IL23R: variants seen among roughly 807,000 people sequenced by gnomAD.
The protein encoded by IL23R is interleukin 23 receptor.
IL23R carries 34 observed loss-of-function variants against 56.9 expected under a neutral mutation model. The ratio of observed to expected loss-of-function variants is 0.60; its 90% confidence interval spans 0.45 to 0.80. The LOEUF (loss-of-function observed/expected upper bound fraction) is 0.80, where lower values mean the gene tolerates loss of function less well. IL23R is among the 30% of genes least tolerant of loss of function. The pLI is 0.00. For missense variants in IL23R, 635 were observed against 730.0 expected (o/e 0.87, Z 1.50); for synonymous variants, 230 against 249.2 (o/e 0.92, Z 0.73).
At chr1:67,206,880 AGG>A in intron 5 of IL23R, 28 bp from the exon 6 acceptor site, 1 of 1,444,034 alleles carries the variant, frequency 6.9e-7, no homozygotes, top group Non-Finnish European at 9.3e-7. Context: ...TTAAACAGCC[AGG>A]TCTTTTTTTT....
rs557422515 is a variant in IL23R at position 67,195,207 on chromosome 1, A to G, written c.492-5530A>G. Among the ~76,000 whole-genome samples, 19 of 152,072 alleles carry G rather than the reference A, an allele frequency of 1.2e-4. No individual in the cohort carries two copies. The South Asian group carries it at 3.5e-3, about 28-fold the overall frequency. On this transcript the variant is annotated intron_variant, in intron 4 of 10. Coordinates refer to ENST00000347310, the MANE Select transcript of IL23R (RefSeq NM_144701.3). ...GCCACCACACCTGGCTAATTTTTGTATTTTTAGTAGAGACAGGGTTTCACC... is the reference window on the plus strand; with the variant it reads ...GCCACCACACCTGGCTAATTTTTGTGTTTTTAGTAGAGACAGGGTTTCACC...
intron 4 of IL23R, among the ~76,000 whole-genome samples, chr1:67,186,645 A>G (rs1033371672): frequency 6.6e-6 from 1 of 152,122 alleles, no homozygotes; most frequent in Non-Finnish European, 1.5e-5. Flanking sequence ...AAGGTTATCT[A>G]TGGTGTAACA....
At chr1:67,219,887 G>A (rs1162946230) in intron 7 of IL23R, among the ~76,000 whole-genome samples, 157 bp downstream of exon 7, 1 of 152,122 alleles carries the variant, frequency 6.6e-6, no homozygotes, top group African/African-American at 2.4e-5. Flanking sequence ...GCAACATAGT[G>A]AGACCCTAGT....
chr1:67,163,416 C>T (rs1376413396), upstream of IL23R, among the ~76,000 whole-genome samples: 10 of 122,568 alleles, frequency 8.2e-5, no homozygotes, highest in African/African-American at 2.9e-4. Flanking sequence ...TTGCAGTGAC[C>T]AGAGATCATG....
At chr1:67,222,270 C>T (rs1353381913) in intron 7 of IL23R, among the ~76,000 whole-genome samples, 1 of 151,794 alleles carries the variant, frequency 6.6e-6, no homozygotes, top group African/African-American at 2.4e-5. Context: ...GCACCCACCA[C>T]TATGCCTGGC....
intron 1 of IL23R, among the ~76,000 whole-genome samples, chr1:67,146,015 A>C (rs1236671256): frequency 2.0e-5 from 3 of 152,214 alleles, no homozygotes; most frequent in African/African-American, 7.2e-5. Context: ...GGCACAGAGA[A>C]GCCATGTGGA....
chr1:67,192,955 A>G (rs1647859854), intron 4 of IL23R, among the ~76,000 whole-genome samples: 1 of 152,174 alleles, frequency 6.6e-6, no homozygotes, highest in Non-Finnish European at 1.5e-5. Flanking sequence ...CATTTCATTC[A>G]GAGATCAAAG....
Position 67,177,733 on chromosome 1 carries a change from A to G in IL23R, c.368-5103A>G, listed in dbSNP as rs1390503493. On this transcript the variant is annotated intron_variant, in intron 3 of 10. Coordinates refer to ENST00000347310, the MANE Select transcript of IL23R (RefSeq NM_144701.3). Reference sequence around the variant, plus strand: ...AATGGTATTATCTAGGTATTCTTCTAGGGTTTTTATGGTTTTAGGTCTTAT... The same window carrying G: ...AATGGTATTATCTAGGTATTCTTCTGGGGTTTTTATGGTTTTAGGTCTTAT... 3.3e-5 allele frequency among the ~76,000 whole-genome samples: 5 copies of G among 151,236 alleles called. No individual in the cohort carries two copies. In the East Asian group the frequency reaches 9.6e-4, roughly 29 times the overall value.
intron 9 of IL23R, among the ~76,000 whole-genome samples, chr1:67,244,184 T>G (rs916179966): frequency 3.3e-5 from 5 of 152,190 alleles, no homozygotes; most frequent in African/African-American, 4.8e-5. Flanking sequence ...TAAATTTGTT[T>G]AAGTTCCTTG....
chr1:67,171,664 C>G (rs947972522), intron 3 of IL23R, among the ~76,000 whole-genome samples: 1 of 152,154 alleles, frequency 6.6e-6, no homozygotes, highest in Non-Finnish European at 1.5e-5. Context: ...TCAGGAAAAA[C>G]TAGTCTGTGG....
At chr1:67,249,134 C>CTGATT (rs1652453285) in intron 9 of IL23R, among the ~76,000 whole-genome samples, 1 of 152,248 alleles carries the variant, frequency 6.6e-6, no homozygotes, top group South Asian at 2.1e-4. Flanking sequence ...CTCCAGCATG[C>CTGATT]TGATTTTTCA....
chr1:67,234,504 T>G (rs1184097249), intron 7 of IL23R, among the ~76,000 whole-genome samples: 2 of 152,206 alleles, frequency 1.3e-5, no homozygotes, highest in Non-Finnish European at 2.9e-5. Context: ...GAAGTTTCAT[T>G]GCCAATAACT....
At chr1:67,188,538 A>G (rs543576000) in intron 4 of IL23R, among the ~76,000 whole-genome samples, 4 of 152,246 alleles carry the variant, frequency 2.6e-5, no homozygotes, top group Non-Finnish European at 5.9e-5. Flanking sequence ...AAAAAAGCAA[A>G]TTATAGGAAG....
At chr1:67,244,828 G>T (rs1462079454) in intron 9 of IL23R, among the ~76,000 whole-genome samples, 1 of 152,114 alleles carries the variant, frequency 6.6e-6, no homozygotes, top group African/African-American at 2.4e-5. Context: ...ATTTAAAGTA[G>T]TTTTTTCCAA....
intron 4 of IL23R, among the ~76,000 whole-genome samples, chr1:67,189,193 A>T (rs1488676580): frequency 6.6e-6 from 1 of 152,110 alleles, no homozygotes; most frequent in South Asian, 2.1e-4. Flanking sequence ...AATGTGGGCA[A>T]GAATTTTTGT....
At chr1:67,163,006 T>C (rs1476112604), upstream of IL23R, among the ~76,000 whole-genome samples, 2 of 152,180 alleles carry the variant, frequency 1.3e-5, no homozygotes, top group East Asian at 3.9e-4. Context: ...CGTTGTAAAG[T>C]CTCTAAGAAG....
At chr1:67,229,558 G>T (rs1014692300) in intron 7 of IL23R, among the ~76,000 whole-genome samples, 5 of 152,168 alleles carry the variant, frequency 3.3e-5, no homozygotes, top group African/African-American at 1.2e-4. Flanking sequence ...CCCTCTGGGA[G>T]GTTGGGGATG....
At chr1:67,161,463 CTTG>C (rs1051301991), upstream of IL23R, among the ~76,000 whole-genome samples, 4 of 152,006 alleles carry the variant, frequency 2.6e-5, no homozygotes, top group South Asian at 2.1e-4. Context: ...CTATTGATAG[CTTG>C]TTGTATTTTT....
intron 3 of IL23R, among the ~76,000 whole-genome samples, chr1:67,171,412 A>G (rs1452885579): frequency 6.6e-6 from 1 of 152,190 alleles, no homozygotes; most frequent in African/African-American, 2.4e-5. Flanking sequence ...TTAAGTTACT[A>G]TAGTGATATG....
Sources: allele counts gnomAD v4.1 joint callset (sites outside exome capture counted in the v4.1 genomes callset), GRCh38; gene constraint gnomAD v4.1.1; transcripts MANE v1.5; gene names NCBI Gene and HGNC (gene_info 2026-07-23, HGNC 2026-07-21).